LHFPL2: variants seen among roughly 807,000 people sequenced by gnomAD.
LHFPL2 encodes LHFPL tetraspan subfamily member 2 protein.
A neutral mutation model predicts 17.5 loss-of-function variants in LHFPL2; 7 were observed. The ratio of observed to expected loss-of-function variants is 0.40; its 90% CI spans 0.23 to 0.75. The LOEUF (loss-of-function observed/expected upper bound fraction) is 0.75. Among genes scored for constraint, LHFPL2 ranks in the 30% least tolerant of loss-of-function variants. The pLI is 0.37. For synonymous variants in LHFPL2, 134 were observed against 116.2 expected (o/e 1.15, Z -0.99); for missense variants, 241 against 294.8 (o/e 0.82, Z 1.34).
intron 1 of LHFPL2, among the ~76,000 whole-genome samples, chr5:78,636,615 G>C (rs552436784): frequency 6.6e-6 from 1 of 152,258 alleles, no homozygotes; most frequent in African/African-American, 2.4e-5. Context: ...TCCATTTCTG[G>C]TCATCCATTA....
chr5:78,511,580 A>G (rs545094607), intron 3 of LHFPL2, among the ~76,000 whole-genome samples: 4 of 152,232 alleles, frequency 2.6e-5, no homozygotes, highest in Admixed American at 6.5e-5. Flanking sequence ...GAGAACTGCA[A>G]AGAGCCCCCT....
intron 3 of LHFPL2, among the ~76,000 whole-genome samples, chr5:78,549,974 G>C (rs990595161): frequency 2.6e-5 from 4 of 152,174 alleles, no homozygotes; most frequent in African/African-American, 7.2e-5. Context: ...AAAAACTGGG[G>C]GTTGTTTTCT....
intron 3 of LHFPL2, among the ~76,000 whole-genome samples, chr5:78,563,466 T>C (rs1215337415): frequency 6.6e-6 from 1 of 151,952 alleles, no homozygotes; most frequent in Non-Finnish European, 1.5e-5. Flanking sequence ...GAGGCTGAGG[T>C]GGGCAGAGCA....
intron 3 of LHFPL2, among the ~76,000 whole-genome samples, chr5:78,517,313 A>C (rs1316899932): frequency 6.6e-6 from 1 of 152,164 alleles, no homozygotes. Context: ...TTTGTTGTTT[A>C]ATACACCCAT....
intron 2 of LHFPL2, among the ~76,000 whole-genome samples, chr5:78,571,245 C>G (rs1756991974): frequency 6.6e-6 from 1 of 152,144 alleles, no homozygotes; most frequent in Non-Finnish European, 1.5e-5. Context: ...TGTGTGGACC[C>G]TGAACTCGAT....
intron 2 of LHFPL2, among the ~76,000 whole-genome samples, chr5:78,628,154 G>GT (rs1329117980): frequency 6.6e-6 from 1 of 152,214 alleles, no homozygotes; most frequent in Non-Finnish European, 1.5e-5. Context: ...CAGGCCCTGT[G>GT]TGGCTCTGCT....
chr5:78,622,946 G>T (rs1467925170), intron 2 of LHFPL2, among the ~76,000 whole-genome samples: 2 of 152,176 alleles, frequency 1.3e-5, no homozygotes, highest in African/African-American at 4.8e-5. Flanking sequence ...TGAAACTGGG[G>T]TGATGATTGG....
chr5:78,628,311 T>C (rs551221401), intron 2 of LHFPL2, among the ~76,000 whole-genome samples: 1 of 152,344 alleles, frequency 6.6e-6, no homozygotes, highest in Non-Finnish European at 1.5e-5. Flanking sequence ...TATTACCTTC[T>C]ACCCCAATTC....
Position 78,571,811 on chromosome 5 carries a change from C to G in LHFPL2, c.-244-6940G>C, listed in dbSNP as rs555995026. 3.3e-5 allele frequency among the ~76,000 whole-genome samples: 5 copies of G among 152,328 alleles called. No individual in the cohort carries two copies. In the East Asian group the frequency reaches 5.8e-4, roughly 18 times the overall value. ...CATATGGATGGATAAGGTGGATATA[C>G]AGAGACAGAAATGTCTAGCTAGGTA... On this transcript the variant is annotated intron_variant, in intron 2 of 4. Coordinates refer to ENST00000380345, the MANE Select transcript of LHFPL2 (RefSeq NM_005779.3).
chr5:78,615,537 C>A (rs886505637), intron 2 of LHFPL2, among the ~76,000 whole-genome samples: 1 of 152,180 alleles, frequency 6.6e-6, no homozygotes, highest in African/African-American at 2.4e-5. Flanking sequence ...AGGCATTCTT[C>A]ATCTGCTCTT....
At chr5:78,633,531 G>A (rs1333853000) in intron 1 of LHFPL2, among the ~76,000 whole-genome samples, 4 of 152,236 alleles carry the variant, frequency 2.6e-5, no homozygotes, top group Non-Finnish European at 5.9e-5. Context: ...TCTGGGTGAC[G>A]GTGATGCTTG....
chr5:78,531,149 C>T (rs1755770226), intron 3 of LHFPL2, among the ~76,000 whole-genome samples: 1 of 151,790 alleles, frequency 6.6e-6, no homozygotes, highest in Non-Finnish European at 1.5e-5. Context: ...GGCATGGTGG[C>T]TCACGCCTAT....
At chr5:78,581,684 C>T (rs552268786) in intron 2 of LHFPL2, among the ~76,000 whole-genome samples, 62 of 152,254 alleles carry the variant, frequency 4.1e-4, no homozygotes, top group Admixed American at 3.9e-4. Context: ...CTGTTGGATT[C>T]GGTTTCCCAG....
chr5:78,626,828 C>T (rs572794113), intron 2 of LHFPL2, among the ~76,000 whole-genome samples: 52 of 151,688 alleles, frequency 3.4e-4, no homozygotes, highest in Non-Finnish European at 5.7e-4. Context: ...CGCCTGTAAT[C>T]TCAGCACTTT....
intron 2 of LHFPL2, among the ~76,000 whole-genome samples, chr5:78,570,172 T>C (rs765133793): frequency 1.3e-5 from 2 of 152,174 alleles, no homozygotes; most frequent in Non-Finnish European, 2.9e-5. Flanking sequence ...GGGCATGACA[T>C]AGAGTAGACA....
At chr5:78,626,094 C>T (rs936314334) in intron 2 of LHFPL2, 18 of 152,240 alleles carry the variant, frequency 1.2e-4, no homozygotes, top group African/African-American at 3.9e-4. Context: ...AACCGGTGCC[C>T]TAGTCCAGAA....
At position 78,621,674 on chromosome 5, in the gene LHFPL2, G is replaced by A. The variant is rs543112430; in HGVS notation, c.-245+10590C>T. ...TTAATTGCTACTTTCCTCTTAAAAC[G>A]TGGTTTCAATGACACCAATACATGG... On this transcript the variant is annotated intron_variant, in intron 2 of 4. Coordinates refer to ENST00000380345, the MANE Select transcript of LHFPL2 (RefSeq NM_005779.3). Among the ~76,000 whole-genome samples, 8 of 152,078 alleles carry A rather than the reference G, an allele frequency of 5.3e-5. No homozygotes were observed. The South Asian group carries it at 8.3e-4, about 16-fold the overall frequency.
At chr5:78,501,423 C>T (rs1158955786) in intron 4 of LHFPL2, among the ~76,000 whole-genome samples, 2 of 152,156 alleles carry the variant, frequency 1.3e-5, no homozygotes, top group African/African-American at 2.4e-5. Context: ...GCTGAGGGCC[C>T]TTCTGCGGGG....
intron 1 of LHFPL2, among the ~76,000 whole-genome samples, chr5:78,647,698 T>C (rs1163572996): frequency 1.3e-5 from 2 of 152,002 alleles, no homozygotes; most frequent in African/African-American, 2.4e-5. Context: ...GTTGCTCCCA[T>C]TGAAACAAGC....
Sources: allele counts gnomAD v4.1 joint callset (sites outside exome capture counted in the v4.1 genomes callset), GRCh38; gene constraint gnomAD v4.1.1; transcripts MANE v1.5; gene names NCBI Gene and HGNC (gene_info 2026-07-23, HGNC 2026-07-21).